COPZ1: variants seen among roughly 807,000 people sequenced by gnomAD.
The protein encoded by COPZ1 is coatomer subunit zeta-1.
In COPZ1, 4 loss-of-function variants were observed where a neutral mutation model predicts 31.7. The observed-to-expected ratio is 0.13, with a 90% CI of 0.06 to 0.29. COPZ1 has a LOEUF of 0.29. Among genes scored for constraint, COPZ1 ranks in the 10% least tolerant of loss-of-function variants. COPZ1 has a pLI of 1.00. For missense variants in COPZ1, 156 were observed against 211.5 expected (o/e 0.74, Z 1.63); for synonymous variants, 74 against 79.0 (o/e 0.94, Z 0.33).
Position 54,350,564 on chromosome 12 carries a change from T to A in COPZ1, c.*41T>A, listed in dbSNP as rs777310408. The A allele has an allele frequency of 1.9e-5, 29 of 1,545,568 alleles. No individual in the cohort carries two copies. Among genetic ancestry groups the A allele is most frequent in the Middle Eastern group, 3.4e-4 (2 of 5,956 alleles). On this transcript the variant is annotated 3_prime_UTR_variant, in exon 9 of 9. Coordinates refer to ENST00000262061, the MANE Select transcript of COPZ1 (RefSeq NM_016057.3). ...TGGCTCTTCATCCTCTTCAAAAAAT[T>A]TGCATGTCTGCTGTGAATTTTCATC...
At chr12:54,345,433 C>G in intron 4 of COPZ1, 27 bp from the exon 5 acceptor site, 2 of 1,600,338 alleles carry the variant, frequency 1.2e-6, no homozygotes, top group Non-Finnish European at 8.6e-7. Flanking sequence ...TGAACCTTAT[C>G]CTTCTGCCTC....
chr12:54,331,710 G>A (rs1483410918), intron 1 of COPZ1, among the ~76,000 whole-genome samples: 1 of 152,046 alleles, frequency 6.6e-6, no homozygotes, highest in East Asian at 1.9e-4. Flanking sequence ...GTTTTCAGGA[G>A]CAAAAGCAGG....
At chr12:54,326,495 G>T (rs555529975) in intron 1 of COPZ1, among the ~76,000 whole-genome samples, 2 of 148,076 alleles carry the variant, frequency 1.4e-5, no homozygotes, top group African/African-American at 5.0e-5. Context: ...GGTTACATGA[G>T]AATTGTGGTC....
intron 7 of COPZ1, among the ~76,000 whole-genome samples, chr12:54,349,073 G>T (rs779086824): frequency 5.3e-5 from 8 of 152,190 alleles, no homozygotes; most frequent in African/African-American, 9.7e-5. Context: ...GGCTCCATTT[G>T]CATAGTTTAA....
chr12:54,340,650 A>C (rs1224257427), intron 2 of COPZ1, 35 bp downstream of exon 2: 1 of 1,601,584 alleles, frequency 6.2e-7, no homozygotes, highest in Admixed American at 1.7e-5. Context: ...TAGGAACAGC[A>C]CAAAGGTTTA....
At chr12:54,341,799 G>A (rs1336438596) in intron 2 of COPZ1, among the ~76,000 whole-genome samples, 1 of 152,210 alleles carries the variant, frequency 6.6e-6, no homozygotes, top group Non-Finnish European at 1.5e-5. Context: ...CATACAGTGA[G>A]TGAGGGTCTA....
intron 1 of COPZ1, among the ~76,000 whole-genome samples, chr12:54,332,551 A>G (rs1291080034): frequency 6.6e-6 from 1 of 152,072 alleles, no homozygotes; most frequent in Non-Finnish European, 1.5e-5. Context: ...AGCCTTACCA[A>G]CATGGCAAAG....
At chr12:54,342,654 C>T (rs1953990272) in intron 3 of COPZ1, 2 of 237,214 alleles carry the variant, frequency 8.4e-6, no homozygotes, top group Non-Finnish European at 1.7e-5. Context: ...GTCTCATATA[C>T]AAGTAGGGAA....
At chr12:54,328,118 C>CA (rs1244977220) in intron 1 of COPZ1, among the ~76,000 whole-genome samples, 64 of 146,606 alleles carry the variant, frequency 4.4e-4, no homozygotes, top group Admixed American at 1.2e-3. Flanking sequence ...ACTAAAAATA[C>CA]AAAAAAAAAT....
intron 1 of COPZ1, among the ~76,000 whole-genome samples, chr12:54,339,131 A>G (rs1334311009): frequency 6.6e-6 from 1 of 152,114 alleles, no homozygotes; most frequent in Non-Finnish European, 1.5e-5. Flanking sequence ...AATGTTGATT[A>G]GAAAGTCAAG....
chr12:54,331,877 T>A (rs966343190), intron 1 of COPZ1, among the ~76,000 whole-genome samples: 2 of 152,244 alleles, frequency 1.3e-5, no homozygotes, highest in Non-Finnish European at 2.9e-5. Flanking sequence ...AATGTTCTAA[T>A]GGTGCTCTCA....
Position 54,346,392 on chromosome 12 carries a change from C to T in COPZ1, c.317+877C>T, listed in dbSNP as rs144844771. On this transcript the variant is annotated intron_variant, in intron 5 of 8. Transcript: ENST00000262061. The stretch of plus-strand genomic sequence containing the variant: ...AAGCGATTCTCCTGCCTCAGCCTCC[C>T]GAGTAGAGTAGCTGCAATTATAGGC... Among the ~76,000 whole-genome samples the T allele has an allele frequency of 2.3e-3, 343 of 151,612 alleles. No individual in the cohort carries two copies. In the East Asian group the frequency reaches 0.037, roughly 16 times the overall value.
chr12:54,337,787 C>T (rs2137097665), intron 1 of COPZ1, among the ~76,000 whole-genome samples: 1 of 152,328 alleles, frequency 6.6e-6, no homozygotes. Context: ...GCCTTCTTTC[C>T]CTTTTGAGAG....
In COPZ1 at chr12:54,346,761, TA is replaced by T. The variant is rs1216008858; in HGVS notation, c.318-1005del. The T allele has an allele frequency of 9.1e-6, 6 of 656,352 alleles. No individual in the cohort carries two copies. The African/African-American group carries it at 1.1e-4, about 12-fold the overall frequency. The allele number at this position is 656,352 out of a possible 1,614,324, so 40.7% of individuals were successfully genotyped here. On this transcript the variant is annotated intron_variant, in intron 5 of 8. Coordinates refer to ENST00000262061, the MANE Select transcript of COPZ1 (RefSeq NM_016057.3). ...GTCTCAGCTACTTGGGAGGCTGAGG[TA>T]GGAAGATTGCTTGAGCCCAGGAGGT...
chr12:54,332,244 C>T (rs1953770992), intron 1 of COPZ1, among the ~76,000 whole-genome samples: 2 of 151,552 alleles, frequency 1.3e-5, no homozygotes, highest in Admixed American at 6.6e-5. Context: ...ATGGCGTGAA[C>T]CCGGGAGGCG....
chr12:54,340,379 C>G, intron 1 of COPZ1, 168 bp from the exon 2 acceptor site: 2 of 1,093,606 alleles, frequency 1.8e-6, no homozygotes, highest in Non-Finnish European at 1.3e-6. Flanking sequence ...TTTACTTACC[C>G]TGGGTCTTTC....
intron 1 of COPZ1, among the ~76,000 whole-genome samples, chr12:54,329,668 C>G (rs1202669941): frequency 1.3e-5 from 2 of 152,188 alleles, no homozygotes; most frequent in Non-Finnish European, 2.9e-5. Flanking sequence ...TCTGGATTCA[C>G]TTTCAGAGTG....
intron 4 of COPZ1, among the ~76,000 whole-genome samples, chr12:54,344,279 C>T (rs1284350931): frequency 1.3e-5 from 2 of 151,590 alleles, no homozygotes; most frequent in Admixed American, 6.6e-5. Flanking sequence ...GGCGAAATCC[C>T]ATCTCTACTA....
At position 54,346,265 on chromosome 12, in the gene COPZ1, T is replaced by C. The variant is rs115216165; in HGVS notation, c.317+750T>C. On this transcript the variant is annotated intron_variant, in intron 5 of 8. Transcript: ENST00000262061. ...GAATGGAAGCAACACTCCCAATTTT[T>C]TTTTCTTTTTTTTTTTTTTTGAGAT... Among the ~76,000 whole-genome samples the C allele has an allele frequency of 3.2e-3, 482 of 151,604 alleles. 2 individuals are homozygous for C. The highest frequency in any genetic ancestry group is 0.01 in the African/African-American group (429 of 41,362).
Sources: allele counts gnomAD v4.1 joint callset (sites outside exome capture counted in the v4.1 genomes callset), GRCh38; gene constraint gnomAD v4.1.1; transcripts MANE v1.5; gene names NCBI Gene and HGNC (gene_info 2026-07-23, HGNC 2026-07-21).